Variants in SATB1 observed in about 807,000 individuals in gnomAD.
SATB1 encodes the protein DNA-binding protein SATB1.
In SATB1, 11 loss-of-function variants were observed where a neutral mutation model predicts 86.9. The ratio of observed to expected loss-of-function variants is 0.13; its 90% confidence interval spans 0.08 to 0.21. The LOEUF (loss-of-function observed/expected upper bound fraction) is 0.21. Among genes scored for constraint, SATB1 ranks in the 10% least tolerant of loss-of-function variants. The pLI is 1.00. For synonymous variants in SATB1, 357 were observed against 357.2 expected, an observed-to-expected ratio of 1.00 and a Z score of 0.01; for missense variants, 551 against 937.6, an observed-to-expected ratio of 0.59 and a Z score of 5.39.
At chr3:18,440,425 T>C (rs1699210464), upstream of SATB1, among the ~76,000 whole-genome samples, 1 of 152,212 alleles carries the variant, frequency 6.6e-6, no homozygotes, top group South Asian at 2.1e-4. Flanking sequence ...CCCTGGATTA[T>C]AGCACAGGTA....
chr3:18,370,367 C>T lies in SATB1; in HGVS notation c.1575+7803G>A, dbSNP rs538370176. ...AACTACTTCTTTCAATTCCCCTTTC[C>T]CTCTGTTAAATCAGACTGCTTTATC... On this transcript the variant is annotated intron_variant, in intron 9 of 10. Transcript: ENST00000338745. 5.3e-5 allele frequency among the ~76,000 whole-genome samples: 8 copies of T among 151,892 alleles called. No homozygotes were observed. The South Asian group carries it at 1.5e-3, about 28-fold the overall frequency.
At chr3:18,426,450 G>A (rs934486730), upstream of SATB1, among the ~76,000 whole-genome samples, 1 of 152,206 alleles carries the variant, frequency 6.6e-6, no homozygotes, top group Admixed American at 6.5e-5. This position sits in a 1 kb window ranked among gnomAD's most constrained non-coding sequence, Gnocchi z 4.2. Context: ...AAATACATCT[G>A]TTGTAGCAAT....
intron 1 of SATB1, chr3:18,421,380 C>CTT (rs1559457142): frequency 1.2e-5 from 2 of 167,364 alleles, no homozygotes; most frequent in African/African-American, 4.8e-5. Context: ...AGCAGAAACA[C>CTT]TTTAATAAAG....
chr3:18,426,248 C>G (rs111960829), upstream of SATB1, among the ~76,000 whole-genome samples: 29 of 152,330 alleles, frequency 1.9e-4, no homozygotes, highest in African/African-American at 6.3e-4. The surrounding 1 kb of genome is among the most constrained non-coding windows in gnomAD (Gnocchi z 4.2). Context: ...TAAGAGCGTT[C>G]TGTACTAGTC....
chr3:18,356,785 G>C (rs975915603), intron 9 of SATB1, among the ~76,000 whole-genome samples: 9 of 151,768 alleles, frequency 5.9e-5, no homozygotes, highest in Non-Finnish European at 1.3e-4. Context: ...GATTTTAATT[G>C]AGTCAAGAAA....
intron 9 of SATB1, among the ~76,000 whole-genome samples, chr3:18,373,712 T>G (rs1695589268): frequency 6.6e-6 from 1 of 152,024 alleles, no homozygotes; most frequent in African/African-American, 2.4e-5. Context: ...CTCTCTCTCA[T>G]CCTAGGGGCC....
upstream of SATB1, among the ~76,000 whole-genome samples, chr3:18,441,413 GAA>G (rs1285469753): frequency 6.6e-6 from 1 of 152,084 alleles, no homozygotes; most frequent in Non-Finnish European, 1.5e-5. Flanking sequence ...ATTGAAAAGG[GAA>G]AAGAGATTAA....
At chr3:18,360,155 C>A (rs1694838391) in intron 9 of SATB1, among the ~76,000 whole-genome samples, 1 of 152,100 alleles carries the variant, frequency 6.6e-6, no homozygotes, top group South Asian at 2.1e-4. Context: ...TACAAAAAAG[C>A]ACATTAATCT....
rs866227186 is a variant in SATB1, at chr3:18,438,074, T to C, written c.-108+491A>G. 5.9e-5 allele frequency among the ~76,000 whole-genome samples: 9 copies of C among 152,330 alleles called. No individual in the cohort carries two copies. In the South Asian group the frequency reaches 1.4e-3, roughly 25 times the overall value. On this transcript the variant is annotated intron_variant, in intron 1 of 3. Transcript: ENST00000414509. ...TATCTCCATTTCAAAGATATCTGCA[T>C]ACACTAGGTTCTATTTATAATAATT...
At position 18,349,263 on chromosome 3, in the gene SATB1, T is replaced by C; in HGVS notation, c.2199A>G (p.Gln733=). 1 of 1,614,258 alleles carries C rather than the reference T, an allele frequency of 6.2e-7. No homozygotes were observed. The highest frequency in any genetic ancestry group is 8.5e-7 in the Non-Finnish European group (1 of 1,180,038). ...ELLKDLEESV[Q]DKNTNTLFSV... ...AAAAAAGGGTGTTAGTATTTTTATC[T>C]TGGACACTCTCTTCCAAATCCTTCA... The change falls in exon 11 of 11, where the codon CAA becomes CAG. Residue 733 remains glutamine, a synonymous_variant. Coordinates refer to ENST00000338745, the MANE Select transcript of SATB1 (RefSeq NM_002971.6). The surrounding 1 kb of genome is among the most constrained non-coding windows in gnomAD (Gnocchi z 5.5).
chr3:18,380,205 G>C (rs1695975569), intron 8 of SATB1, among the ~76,000 whole-genome samples: 2 of 152,146 alleles, frequency 1.3e-5, no homozygotes, highest in Admixed American at 1.3e-4. Flanking sequence ...TTTGAAAACT[G>C]AATGTTATGG....
chr3:18,353,291 A>C (rs1694465191), intron 9 of SATB1, among the ~76,000 whole-genome samples: 2 of 151,834 alleles, frequency 1.3e-5, no homozygotes, highest in South Asian at 4.2e-4. Context: ...CCTTCAATTT[A>C]CTCTCTAGAG....
chr3:18,357,853 G>A (rs996840219), intron 9 of SATB1, among the ~76,000 whole-genome samples: 2 of 151,750 alleles, frequency 1.3e-5, no homozygotes, highest in East Asian at 3.9e-4. Flanking sequence ...ACTTTTGAGG[G>A]GGTGGCTAAT....
chr3:18,386,708 AAC>A lies in SATB1; in HGVS notation c.1207-99_1207-98del, dbSNP rs1696362116. 2.0e-5 allele frequency: 19 copies of A among 960,752 alleles called. No homozygotes were observed. The South Asian group carries it at 2.7e-4, about 14-fold the overall frequency. 59.5% of individuals were successfully genotyped at this position (960,752 alleles called of 1,614,324 possible). ...TCTTCTCCACTCTGTTTAGAAAATG[AAC>A]AGTCAGAGGCATTAATTCTGCATAG... On this transcript the variant is annotated intron_variant, in intron 7 of 10. Coordinates refer to ENST00000338745, the MANE Select transcript of SATB1 (RefSeq NM_002971.6). This position sits in a 1 kb window ranked among gnomAD's most constrained non-coding sequence, Gnocchi z 4.5.
intron 7 of SATB1, among the ~76,000 whole-genome samples, chr3:18,392,749 A>C (rs1696750691): frequency 6.6e-6 from 1 of 152,018 alleles, no homozygotes; most frequent in Non-Finnish European, 1.5e-5. Flanking sequence ...TATTTACTAA[A>C]ATAAAGAATG....
rs1307933379 is a variant in SATB1, at chr3:18,383,671, T to C, written c.1419+2728A>G. 2.0e-5 allele frequency among the ~76,000 whole-genome samples: 3 copies of C among 151,534 alleles called. 1 individual carries two copies. In the South Asian group the frequency reaches 6.2e-4, roughly 31 times the overall value. On this transcript the variant is annotated intron_variant, in intron 8 of 10. Coordinates refer to ENST00000338745, the MANE Select transcript of SATB1 (RefSeq NM_002971.6). ...GTGTTATCTGTGGTTTTCTCCATTTTATCCTTTATTTTAACTCATTTTTAA... is the reference window on the plus strand; with the variant it reads ...GTGTTATCTGTGGTTTTCTCCATTTCATCCTTTATTTTAACTCATTTTTAA...
upstream of SATB1, among the ~76,000 whole-genome samples, chr3:18,442,084 G>A (rs1192559581): frequency 6.6e-6 from 1 of 152,018 alleles, no homozygotes; most frequent in Non-Finnish European, 1.5e-5. Context: ...ACATATTTCA[G>A]CTTGTGGGAA....
intron 3 of SATB1, 110 bp from the exon 4 acceptor site, chr3:18,416,243 A>G (rs1021626035): frequency 2.6e-5 from 20 of 765,924 alleles, no homozygotes; most frequent in South Asian, 1.5e-4. Context: ...CAGTACCGTT[A>G]TTTCTGTTTG....
In SATB1 at chr3:18,351,908, G is replaced by A. The variant is rs116484647; in HGVS notation, c.1779+84C>T. ...TAAAAAGCCTATGGTTAGACTGGCA[G>A]GAGGAAGAGAAACGCTAATTTCCCT... On this transcript the variant is annotated intron_variant, in intron 10 of 10. Coordinates refer to ENST00000338745, the MANE Select transcript of SATB1 (RefSeq NM_002971.6). 5.9e-4 allele frequency: 775 copies of A among 1,306,996 alleles called. 5 individuals are homozygous for A. In the African/African-American group the frequency reaches 1.0e-2, roughly 17 times the overall value. 81.0% of individuals were successfully genotyped at this position (1,306,996 alleles called of 1,614,324 possible). A position where few individuals can be genotyped will look rare whatever the true frequency, so the allele number is the denominator to read the frequency against.
Sources: allele counts gnomAD v4.1 joint callset (sites outside exome capture counted in the v4.1 genomes callset), GRCh38; gene constraint gnomAD v4.1.1; non-coding constraint Gnocchi (gnomAD v3.1); transcripts MANE v1.5; gene names NCBI Gene and HGNC (gene_info 2026-07-23, HGNC 2026-07-21).